Variants in GPATCH1 observed in about 807,000 individuals in gnomAD.
GPATCH1 encodes the protein G patch domain-containing protein 1.
GPATCH1 carries 73 observed loss-of-function variants against 114.9 expected under a neutral mutation model. The observed-to-expected ratio is 0.64, with a 90% CI of 0.53 to 0.77. The LOEUF is 0.77. GPATCH1 is among the 30% of genes least tolerant of loss of function. GPATCH1 has a pLI of 0.00. For synonymous variants in GPATCH1, 391 were observed against 428.4 expected, an observed-to-expected ratio of 0.91 and a Z score of 1.08; for missense variants, 1,058 against 1,144.3, an observed-to-expected ratio of 0.92 and a Z score of 1.09.
chr19:33,103,696 C>A (rs1972752323), intron 9 of GPATCH1, among the ~76,000 whole-genome samples: 1 of 149,218 alleles, frequency 6.7e-6, no homozygotes, highest in Non-Finnish European at 1.5e-5. Flanking sequence ...AGCAAGACTC[C>A]ATCTCAAAAA....
chr19:33,094,671 A>T (rs1385634898), intron 5 of GPATCH1, among the ~76,000 whole-genome samples: 3 of 152,106 alleles, frequency 2.0e-5, no homozygotes, highest in Non-Finnish European at 2.9e-5. Flanking sequence ...AGCATGTGAG[A>T]GTTCATGTTT....
chr19:33,097,912 CAGCCACAAA>C lies in GPATCH1; in HGVS notation c.1000+11_1000+19del, dbSNP rs1449016286. The stretch of plus-strand genomic sequence containing the variant: ...TATAAAAACCAGAAAGGTAATTCGA[CAGCCACAAA>C]CCTAATGGCAGGACCAAGTGTCAGG... On this transcript the variant is annotated intron_variant, in intron 8 of 19. Coordinates refer to ENST00000170564, the MANE Select transcript of GPATCH1 (RefSeq NM_018025.3). 6.2e-7 allele frequency: 1 copy of C among 1,613,210 alleles called. No individual in the cohort carries two copies.
chr19:33,093,629 CAA>C (rs1972622426), intron 4 of GPATCH1, 110 bp downstream of exon 4: 13 of 1,035,978 alleles, frequency 1.3e-5, no homozygotes, highest in Non-Finnish European at 1.9e-5. Context: ...TTCTTAGGCT[CAA>C]AGTCTAAGTG....
chr19:33,116,611 G>C (rs960448305), intron 15 of GPATCH1, among the ~76,000 whole-genome samples: 3 of 152,078 alleles, frequency 2.0e-5, no homozygotes. Flanking sequence ...CTCACTGCAA[G>C]CTCCACCTCC....
intron 8 of GPATCH1, 106 bp from the exon 9 acceptor site, chr19:33,101,389 C>A: frequency 1.4e-6 from 1 of 694,470 alleles, no homozygotes. Context: ...GCATGTATGA[C>A]ACGTACTATT....
chr19:33,114,447 C>T (rs1405351916), intron 15 of GPATCH1, 28 bp downstream of exon 15: 5 of 1,548,174 alleles, frequency 3.2e-6, no homozygotes, highest in Non-Finnish European at 4.4e-6. Context: ...ATTCTCTTTG[C>T]CACGCTGAGT....
chr19:33,114,637 T>A (rs1972896616), intron 15 of GPATCH1, among the ~76,000 whole-genome samples: 1 of 152,168 alleles, frequency 6.6e-6, no homozygotes, highest in African/African-American at 2.4e-5. Context: ...AGTTTTCATT[T>A]CTGTAGAGTA....
At chr19:33,081,751 G>A (rs1983986912) in intron 1 of GPATCH1, among the ~76,000 whole-genome samples, 2 of 152,162 alleles carry the variant, frequency 1.3e-5, no homozygotes, top group Admixed American at 1.3e-4. Context: ...GAGACAGGTA[G>A]AAAAGAATGT....
rs771300165 is a variant in GPATCH1 at position 33,125,218 on chromosome 19, G to C, written c.2619+16G>C. The C allele has an allele frequency of 2.5e-6, 4 of 1,580,894 alleles. No individual in the cohort carries two copies. In the South Asian group the frequency reaches 3.5e-5, roughly 14 times the overall value. On this transcript the variant is annotated intron_variant, in intron 18 of 19. Coordinates refer to ENST00000170564, the MANE Select transcript of GPATCH1 (RefSeq NM_018025.3). Reference sequence around the variant, plus strand: ...GAAAGAGAAGGTGAGAGACTTGTGTGTACCCCAGGATCAGTGTGGGGTGGG... The same window carrying C: ...GAAAGAGAAGGTGAGAGACTTGTGTCTACCCCAGGATCAGTGTGGGGTGGG...
At chr19:33,121,967 C>T (rs11084707) in intron 17 of GPATCH1, among the ~76,000 whole-genome samples, 83,749 of 152,152 alleles carry the variant, frequency 0.55, 27,283 homozygotes, top group African/African-American at 0.89. Flanking sequence ...GAAGTTTTGA[C>T]AAATTGCAGT....
intron 1 of GPATCH1, among the ~76,000 whole-genome samples, chr19:33,085,789 C>G (rs1410914781): frequency 6.6e-6 from 1 of 152,112 alleles, no homozygotes; most frequent in Non-Finnish European, 1.5e-5. Flanking sequence ...AAAATGCCAC[C>G]CACCTCCTTT....
chr19:33,096,544 TC>T (rs1972662417), intron 7 of GPATCH1, 98 bp downstream of exon 7: 2 of 965,438 alleles, frequency 2.1e-6, no homozygotes, highest in South Asian at 1.8e-5. Context: ...TCTTTTTTTT[TC>T]CCCCTAATCC....
In GPATCH1 at chr19:33,109,827, G is replaced by T. The variant is rs578152162; in HGVS notation, c.1396G>T (p.Ala466Ser). ...AGCTCAGCTCAAGGCCAGGAGTCTG[G>T]CCCAGAACGCTCAGAGCAGCAGAGC... ...KAAQLKARSL[A>S]QNAQSSRAQL... Residue 466 changes from alanine (A) to serine (S), a missense_variant, in exon 11 of 20, where the codon GCC becomes TCC. This residue lies in a region of GPATCH1 where 893 missense variants were observed against 977.4 expected (regional missense o/e 0.91). Transcript: ENST00000170564. 1.9e-6 allele frequency: 3 copies of T among 1,613,986 alleles called. No homozygotes were observed. In the South Asian group the frequency reaches 3.3e-5, roughly 18 times the overall value.
rs542465138 is a variant in GPATCH1, at chr19:33,101,581, A to C, written c.1080+7A>C. On this transcript the variant is annotated splice_region_variant and intron_variant, in intron 9 of 19. Transcript: ENST00000170564. Reference sequence around the variant, plus strand: ...ACCTTTATCTTCTAAGAAAGTAAGAAAAACTTTTTTTCTTTCTTTTTTTAC... The same window carrying C: ...ACCTTTATCTTCTAAGAAAGTAAGACAAACTTTTTTTCTTTCTTTTTTTAC... 1.3e-6 allele frequency: 2 copies of C among 1,489,000 alleles called. No individual in the cohort carries two copies. 92.2% of individuals were successfully genotyped at this position (1,489,000 alleles called of 1,614,324 possible).
intron 11 of GPATCH1, among the ~76,000 whole-genome samples, chr19:33,110,366 C>G (rs1972838725): frequency 1.3e-5 from 2 of 152,180 alleles, no homozygotes; most frequent in South Asian, 4.1e-4. Flanking sequence ...TCCGAAGATC[C>G]TAACCATCCA....
chr19:33,115,004 C>T (rs894990675), intron 15 of GPATCH1, among the ~76,000 whole-genome samples: 1 of 149,394 alleles, frequency 6.7e-6, no homozygotes, highest in Admixed American at 6.7e-5. Flanking sequence ...GATGGGGTTT[C>T]ACCATGTTGG....
chr19:33,099,015 A>G (rs1253967871), intron 8 of GPATCH1, among the ~76,000 whole-genome samples: 1 of 148,156 alleles, frequency 6.7e-6, no homozygotes, highest in Non-Finnish European at 1.5e-5. Context: ...ACTATGGATT[A>G]TTTTTATATA....
In GPATCH1 at chr19:33,108,797, G is replaced by A. The variant is rs758440719; in HGVS notation, c.1286-920G>A. ...ATTGGTGAGGGCTTGCTGGGGAGCT[G>A]TACTCGGAACCAGGGCTAGTGGTGG... On this transcript the variant is annotated intron_variant, in intron 10 of 19. Transcript: ENST00000170564. Among the ~76,000 whole-genome samples the A allele has an allele frequency of 3.7e-4, 56 of 152,296 alleles. No individual in the cohort carries two copies. In the Middle Eastern group the frequency reaches 0.014, roughly 37 times the overall value.
chr19:33,125,682 A>G (rs1279892774), intron 18 of GPATCH1, among the ~76,000 whole-genome samples: 1 of 152,194 alleles, frequency 6.6e-6, no homozygotes, highest in African/African-American at 2.4e-5. Flanking sequence ...AGCCCTTAAA[A>G]AAACTTTTTT....
Sources: gnomAD v4.1 joint callset for allele counts (sites outside exome capture counted in the v4.1 genomes callset) on GRCh38, gnomAD v4.1.1 for gene constraint, gnomAD v4.1.1 regional missense constraint, MANE v1.5 for transcripts, NCBI Gene and HGNC (gene_info 2026-07-23, HGNC 2026-07-21) for gene names.